The following ZCCHC7 variants were observed in gnomAD, a reference collection of about 807,000 sequenced individuals.
ZCCHC7 encodes zinc finger CCHC domain-containing protein 7.
In ZCCHC7, 35 loss-of-function variants were observed where a neutral mutation model predicts 52.0. The ratio of observed to expected loss-of-function variants is 0.67; its 90% CI spans 0.51 to 0.89. The LOEUF is 0.89. Ranked by LOEUF, ZCCHC7 falls within the 40% of genes least tolerant of loss-of-function variation. The pLI, the probability that ZCCHC7 is intolerant of heterozygous loss-of-function variation, is 0.00. For missense variants in ZCCHC7, 574 were observed against 649.1 expected (o/e 0.88, Z 1.26); for synonymous variants, 217 against 221.5 (o/e 0.98, Z 0.18).
Position 37,120,602 on chromosome 9 carries a change from C to G in ZCCHC7, c.-43C>G. 2.5e-6 allele frequency: 1 copy of G among 398,782 alleles called. No homozygotes were observed. Among genetic ancestry groups the G allele is most frequent in the Non-Finnish European group, 4.4e-6 (1 of 225,928 alleles). The allele number at this position is 398,782 out of a possible 1,614,324, so 24.7% of individuals were successfully genotyped here. On this transcript the variant is annotated 5_prime_UTR_variant, in exon 1 of 9. Coordinates refer to ENST00000336755, the MANE Select transcript of ZCCHC7 (RefSeq NM_032226.3). ...TACGCGTTTTGGTTCCCGGTTGGTG[C>G]TTCCTGTTCGCAGCTGCGGCAGTGA... is the stretch of plus-strand genomic sequence containing the variant.
At chr9:37,275,446 G>A (rs997941697) in intron 2 of ZCCHC7, among the ~76,000 whole-genome samples, 1 of 151,190 alleles carries the variant, frequency 6.6e-6, no homozygotes, top group African/African-American at 2.4e-5. Context: ...TAGTTGATGT[G>A]GGATATTTTA....
chr9:37,307,590 A>G (rs1829387954), intron 5 of ZCCHC7, among the ~76,000 whole-genome samples: 1 of 152,162 alleles, frequency 6.6e-6, no homozygotes. Flanking sequence ...GAAAGCAGAA[A>G]TATTTTTCTA....
At chr9:37,252,603 G>A (rs894461954) in intron 2 of ZCCHC7, among the ~76,000 whole-genome samples, 1 of 152,152 alleles carries the variant, frequency 6.6e-6, no homozygotes, top group African/African-American at 2.4e-5. Context: ...TCTATTCAAT[G>A]TAAAAGTGAA....
chr9:37,173,215 G>C (rs1821838297), intron 2 of ZCCHC7, among the ~76,000 whole-genome samples: 1 of 152,248 alleles, frequency 6.6e-6, no homozygotes, highest in Non-Finnish European at 1.5e-5. Flanking sequence ...TAGTGTGACA[G>C]ATATTCTTTT....
intron 5 of ZCCHC7, among the ~76,000 whole-genome samples, chr9:37,325,458 T>G (rs567473611): frequency 6.6e-6 from 1 of 152,290 alleles, no homozygotes; most frequent in African/African-American, 2.4e-5. Flanking sequence ...GCTTTAGAAA[T>G]TACTTTATTT....
chr9:37,220,939 C>T (rs532989759), intron 2 of ZCCHC7, among the ~76,000 whole-genome samples: 2 of 152,232 alleles, frequency 1.3e-5, no homozygotes, highest in African/African-American at 4.8e-5. Flanking sequence ...TCTTTGTTCT[C>T]TTGAACTTTT....
At chr9:37,215,850 A>G (rs1824473619) in intron 2 of ZCCHC7, among the ~76,000 whole-genome samples, 1 of 152,214 alleles carries the variant, frequency 6.6e-6, no homozygotes, top group Admixed American at 6.5e-5. Context: ...CTGCACACAT[A>G]TAAATCAATT....
intron 2 of ZCCHC7, among the ~76,000 whole-genome samples, chr9:37,256,486 C>T (rs913911584): frequency 6.6e-6 from 1 of 152,104 alleles, no homozygotes; most frequent in Admixed American, 6.6e-5. Context: ...TTACATGAAA[C>T]CTTACTAATA....
chr9:37,176,759 G>T (rs968788000), intron 2 of ZCCHC7, among the ~76,000 whole-genome samples: 1 of 152,112 alleles, frequency 6.6e-6, no homozygotes, highest in Admixed American at 6.5e-5. Flanking sequence ...TGTTCCTGCT[G>T]CTTAAATCAT....
chr9:37,174,795 G>A (rs1821926928), intron 2 of ZCCHC7, among the ~76,000 whole-genome samples: 1 of 152,096 alleles, frequency 6.6e-6, no homozygotes, highest in Admixed American at 6.5e-5. Flanking sequence ...TAAGTGTCTT[G>A]CTATGTGCTA....
At chr9:37,346,092 T>TC in intron 6 of ZCCHC7, among the ~76,000 whole-genome samples, 1 of 152,016 alleles carries the variant, frequency 6.6e-6, no homozygotes, top group South Asian at 2.1e-4. Flanking sequence ...AACCTCCGCC[T>TC]CCCAGGTTCA....
At chr9:37,310,120 T>TA (rs543783774) in intron 5 of ZCCHC7, among the ~76,000 whole-genome samples, 157 of 152,320 alleles carry the variant, frequency 1.0e-3, no homozygotes, top group African/African-American at 3.6e-3. Context: ...GCTCATTGGT[T>TA]AACTACTTCT....
intron 2 of ZCCHC7, among the ~76,000 whole-genome samples, chr9:37,182,463 C>G (rs537200476): frequency 1.4e-4 from 21 of 151,876 alleles, no homozygotes; most frequent in Non-Finnish European, 2.4e-4. Flanking sequence ...CTCCCAGGTT[C>G]AAGCCATTCT....
At chr9:37,264,989 T>A (rs555883639) in intron 2 of ZCCHC7, among the ~76,000 whole-genome samples, 2 of 152,186 alleles carry the variant, frequency 1.3e-5, no homozygotes, top group African/African-American at 2.4e-5. Context: ...TTTATGTATG[T>A]GTGTGGCAGT....
At chr9:37,267,916 C>G (rs530872495) in intron 2 of ZCCHC7, among the ~76,000 whole-genome samples, 2 of 152,134 alleles carry the variant, frequency 1.3e-5, no homozygotes, top group African/African-American at 4.8e-5. Flanking sequence ...TGTTGCCCAG[C>G]CTGGTCTTGA....
At chr9:37,141,838 T>C (rs1843239804) in intron 2 of ZCCHC7, among the ~76,000 whole-genome samples, 1 of 151,844 alleles carries the variant, frequency 6.6e-6, no homozygotes. Flanking sequence ...AAGAGTTTGC[T>C]TTTTCTTGGC....
At chr9:37,267,484 C>T (rs1412422747) in intron 2 of ZCCHC7, among the ~76,000 whole-genome samples, 1 of 151,892 alleles carries the variant, frequency 6.6e-6, no homozygotes, top group Non-Finnish European at 1.5e-5. Flanking sequence ...ACTTCAGCCT[C>T]GACCTCGACC....
chr9:37,146,392 G>T (rs915340825), intron 2 of ZCCHC7, among the ~76,000 whole-genome samples: 1 of 151,746 alleles, frequency 6.6e-6, no homozygotes, highest in Non-Finnish European at 1.5e-5. Context: ...ATGTTTGATT[G>T]TTCTACATTT....
chr9:37,222,086 G>C (rs976055503), intron 2 of ZCCHC7, among the ~76,000 whole-genome samples: 1 of 152,038 alleles, frequency 6.6e-6, no homozygotes, highest in African/African-American at 2.4e-5. Flanking sequence ...ATTTTAAGTG[G>C]ATGAAGAGAC....
Sources: allele counts gnomAD v4.1 joint callset (sites outside exome capture counted in the v4.1 genomes callset), GRCh38; gene constraint gnomAD v4.1.1; transcripts MANE v1.5; gene names NCBI Gene and HGNC (gene_info 2026-07-23, HGNC 2026-07-21).